PCDHGA9: variants seen among roughly 807,000 people sequenced by gnomAD.
PCDHGA9 encodes the protein protocadherin gamma subfamily A, 9.
Under a neutral mutation model 62.5 loss-of-function variants are expected in PCDHGA9, and 37 were observed. That is an observed-to-expected ratio of 0.59 (90% confidence interval 0.46 to 0.78). PCDHGA9 has a LOEUF of 0.78. Ranked by LOEUF, PCDHGA9 falls within the 30% of genes least tolerant of loss-of-function variation. PCDHGA9 has a pLI of 0.00. For missense variants in PCDHGA9, 1,138 were observed against 1,166.2 expected, an observed-to-expected ratio of 0.98 and a Z score of 0.35; for synonymous variants, 459 against 484.6, an observed-to-expected ratio of 0.95 and a Z score of 0.69.
At position 141,415,428 on chromosome 5, in the gene PCDHGA9, G is replaced by T. The variant is rs948747218; in HGVS notation, c.2424+10052G>T. 1.5e-5 allele frequency: 24 copies of T among 1,614,088 alleles called. No individual in the cohort carries two copies. In the Admixed American group the frequency reaches 1.7e-4, roughly 11 times the overall value. ...ACTTTGTGGGCGTGGACGGGGTTCG[G>T]GCTTTCCTGCAGACCTATTCCCACG... On this transcript the variant is annotated intron_variant, in intron 1 of 3. Transcript: ENST00000573521.
rs532725430 is a variant in PCDHGA9, at chr5:141,429,107, G to A, written c.2424+23731G>A. On this transcript the variant is annotated intron_variant, in intron 1 of 3. Transcript: ENST00000573521. ...CTGACCTCGTGATCTGCCCGCCTCG[G>A]CCTCCCAAAGTGCTGGGATTATAGG... The A allele has an allele frequency of 3.8e-3, 579 of 152,026 alleles. 5 individuals are homozygous for A. Among genetic ancestry groups the A allele is most frequent in the Admixed American group, 0.011 (166 of 15,232 alleles). The allele number at this position is 152,026 out of a possible 1,614,324, so 9.4% of individuals were successfully genotyped here. A position where few individuals can be genotyped will look rare whatever the true frequency, so the allele number is the denominator to read the frequency against.
chr5:141,500,839 G>A (rs2099802871), intron 2 of PCDHGA9, among the ~76,000 whole-genome samples: 1 of 151,906 alleles, frequency 6.6e-6, no homozygotes, highest in African/African-American at 2.4e-5. Flanking sequence ...ATGCTAATGG[G>A]CTTTTGCTAC....
At chr5:141,474,772 G>T (rs1053853138) in intron 1 of PCDHGA9, among the ~76,000 whole-genome samples, 1 of 152,182 alleles carries the variant, frequency 6.6e-6, no homozygotes, top group Non-Finnish European at 1.5e-5. Context: ...AATAGTATGA[G>T]GCTCTAACAC....
At chr5:141,463,725 C>T (rs1259646105) in intron 1 of PCDHGA9, among the ~76,000 whole-genome samples, 2 of 152,026 alleles carry the variant, frequency 1.3e-5, no homozygotes, top group Non-Finnish European at 1.5e-5. Context: ...GGATTACAGG[C>T]ATGAGCCACC....
chr5:141,482,102 A>T (rs1016315214), intron 1 of PCDHGA9, among the ~76,000 whole-genome samples: 13 of 151,860 alleles, frequency 8.6e-5, no homozygotes, highest in African/African-American at 2.7e-4. Context: ...AAAAAAAAAA[A>T]AAATATCTAG....
At chr5:141,429,169 T>TACATACACACACACACAC (rs369570830) in intron 1 of PCDHGA9, 115 of 145,474 alleles carry the variant, frequency 7.9e-4, no homozygotes, top group African/African-American at 2.1e-3. Flanking sequence ...ACATTGTTTA[T>TACATACACACACACACAC]ACACACACAC....
chr5:141,404,380 C>T lies in PCDHGA9; in HGVS notation c.1428C>T (p.Ala476=), dbSNP rs777340976. ...GTACTTCCATCTTCTCCGTGATTGC[C>T]TATGACCCTGATAGCAATGAGAATT... ...ARGTSIFSVI[A]YDPDSNENSR... The change falls in exon 1 of 4, where the codon GCC becomes GCT. Residue 476 remains alanine (A), a synonymous_variant. Coordinates refer to ENST00000573521, the MANE Select transcript of PCDHGA9 (RefSeq NM_018921.3). 3 of 1,613,916 alleles carry T rather than the reference C, an allele frequency of 1.9e-6. No individual in the cohort carries two copies. Among genetic ancestry groups the T allele is most frequent in the Non-Finnish European group, 2.5e-6 (3 of 1,179,884 alleles).
intron 1 of PCDHGA9, chr5:141,414,898 G>T: frequency 6.2e-7 from 1 of 1,614,190 alleles, no homozygotes; most frequent in East Asian, 2.2e-5. Context: ...CCCCACAGAC[G>T]GTTCCACAGG....
chr5:141,478,127 C>T (rs1323163663), intron 1 of PCDHGA9: 1 of 1,613,988 alleles, frequency 6.2e-7, no homozygotes, highest in Admixed American at 1.7e-5. Flanking sequence ...CGAGGACTCT[C>T]CTGAAGCCCG....
At chr5:141,430,936 C>T (rs2097327732) in intron 1 of PCDHGA9, 4 of 1,606,984 alleles carry the variant, frequency 2.5e-6, no homozygotes, top group Admixed American at 3.4e-5. Flanking sequence ...CCCGGGAGCT[C>T]GCGGAGCGCG....
rs1319222603 is a variant in PCDHGA9 at position 141,438,686 on chromosome 5, A to G, written c.2424+33310A>G. Among the ~76,000 whole-genome samples the G allele has an allele frequency of 2.8e-5, 4 of 140,922 alleles. No homozygotes were observed. The Admixed American group carries it at 2.9e-4, about 10-fold the overall frequency. 92.5% of individuals were successfully genotyped at this position (140,922 alleles called of 152,430 possible). On this transcript the variant is annotated intron_variant, in intron 1 of 3. Transcript: ENST00000573521. ...TATATATATTTGGAGTAGGGGATGGAGTCTTGCTCTGTCACCCAGGCTGGA... is the reference window on the plus strand; with the variant it reads ...TATATATATTTGGAGTAGGGGATGGGGTCTTGCTCTGTCACCCAGGCTGGA...
In PCDHGA9 at chr5:141,490,679, A is replaced by C; in HGVS notation, c.2425-4128A>C. On this transcript the variant is annotated intron_variant, in intron 1 of 3. Coordinates refer to ENST00000573521, the MANE Select transcript of PCDHGA9 (RefSeq NM_018921.3). The surrounding 1 kb of genome is among the most constrained non-coding windows in gnomAD (Gnocchi z 5.4). ...CTTCTTTGCACTGTGGCTGCCTCAG[A>C]TCCAGACACTGGGGATAATGCCCGC... 6.2e-7 allele frequency: 1 copy of C among 1,614,164 alleles called. No individual in the cohort carries two copies. The highest frequency in any genetic ancestry group is 8.5e-7 in the Non-Finnish European group (1 of 1,180,034).
chr5:141,429,488 T>TA (rs748742046), intron 1 of PCDHGA9, among the ~76,000 whole-genome samples: 13 of 152,096 alleles, frequency 8.5e-5, no homozygotes, highest in Non-Finnish European at 1.6e-4. Flanking sequence ...TAGCTGAGAC[T>TA]ACAGTTGCCT....
At chr5:141,427,969 A>G (rs1239461810) in intron 1 of PCDHGA9, 1 of 1,591,942 alleles carries the variant, frequency 6.3e-7, no homozygotes, top group Admixed American at 1.7e-5. Context: ...CGGGTGCTGT[A>G]CCCCGCGCTG....
At chr5:141,447,197 T>C (rs1249080495) in intron 1 of PCDHGA9, among the ~76,000 whole-genome samples, 7 of 152,188 alleles carry the variant, frequency 4.6e-5, no homozygotes, top group Admixed American at 4.6e-4. Context: ...TGGAGTGCAA[T>C]GGCTTGATCT....
At chr5:141,496,698 C>T (rs2099770595) in intron 2 of PCDHGA9, among the ~76,000 whole-genome samples, 1 of 152,196 alleles carries the variant, frequency 6.6e-6, no homozygotes, top group Non-Finnish European at 1.5e-5. Context: ...CCAACCTTCT[C>T]ATAAGTTATC....
chr5:141,422,587 CCTCA>C, intron 1 of PCDHGA9: 1 of 1,614,032 alleles, frequency 6.2e-7, no homozygotes, highest in Non-Finnish European at 8.5e-7. Context: ...TCCCGTTTTT[CCTCA>C]CTCCTCTTAC....
chr5:141,448,795 A>T (rs577803435), intron 1 of PCDHGA9, among the ~76,000 whole-genome samples: 1 of 152,086 alleles, frequency 6.6e-6, no homozygotes, highest in African/African-American at 2.4e-5. Context: ...AAAAAAAAAA[A>T]TTAGCCAGGC....
At chr5:141,502,547 C>G (rs1340258642) in intron 2 of PCDHGA9, among the ~76,000 whole-genome samples, 2 of 152,156 alleles carry the variant, frequency 1.3e-5, no homozygotes, top group East Asian at 3.8e-4. Context: ...GTGGTAAAAA[C>G]AGTGTCCCAG....
Sources: gnomAD v4.1 joint callset for allele counts (sites outside exome capture counted in the v4.1 genomes callset) on GRCh38, gnomAD v4.1.1 for gene constraint, Gnocchi (gnomAD v3.1) non-coding constraint, MANE v1.5 for transcripts, NCBI Gene and HGNC (gene_info 2026-07-23, HGNC 2026-07-21) for gene names.